M1AP: variants seen among roughly 807,000 people sequenced by gnomAD.
The protein encoded by M1AP is meiosis 1 associated protein.
M1AP carries 39 observed loss-of-function variants against 51.2 expected under a neutral mutation model. The ratio of observed to expected loss-of-function variants is 0.76; its 90% CI spans 0.59 to 1.00. M1AP has a LOEUF of 1.00. M1AP is among the 50% of genes least tolerant of loss of function. The probability of loss-of-function intolerance (pLI) is 0.00; values close to 1 mark genes in which losing one functional copy is unlikely to be tolerated. For synonymous variants in M1AP, 251 were observed against 249.2 expected (o/e 1.01, Z -0.07); for missense variants, 545 against 641.2 (o/e 0.85, Z 1.62).
At position 74,607,482 on chromosome 2, in the gene M1AP, C is replaced by CA. The variant is rs1553414082; in HGVS notation, c.427-260_427-259insT. Among the ~76,000 whole-genome samples, 192 of 151,350 alleles carry CA rather than the reference C, an allele frequency of 1.3e-3. 2 individuals carry two copies. The highest frequency in any genetic ancestry group is 4.5e-3 in the African/African-American group (185 of 41,322). On this transcript the variant is annotated intron_variant, in intron 3 of 10. Transcript: ENST00000421985. Reference sequence around the variant, plus strand: ...GGAGAAACCATATGTATGTTTTAGTCTTTTTTTTTGAGACGGAGTCTTGCT... The same window carrying CA: ...GGAGAAACCATATGTATGTTTTAGTCATTTTTTTTTGAGACGGAGTCTTGCT...
chr2:74,647,154 T>A, intron 1 of M1AP: 1 of 937,872 alleles, frequency 1.1e-6, no homozygotes, highest in Non-Finnish European at 1.3e-6. Context: ...GGACTTCCAA[T>A]TACACCACTG....
intron 5 of M1AP, among the ~76,000 whole-genome samples, chr2:74,578,932 C>T: frequency 6.6e-6 from 1 of 152,048 alleles, no homozygotes; most frequent in African/African-American, 2.4e-5. Flanking sequence ...AATAATAATG[C>T]CAGCATAATC....
chr2:74,620,535 G>C (rs1410671948), intron 2 of M1AP, among the ~76,000 whole-genome samples: 1 of 152,186 alleles, frequency 6.6e-6, no homozygotes, highest in Non-Finnish European at 1.5e-5. Context: ...CTGGGAGTTG[G>C]GAAATTTGGG....
At chr2:74,616,495 G>A (rs2104744732) in intron 2 of M1AP, among the ~76,000 whole-genome samples, 1 of 152,070 alleles carries the variant, frequency 6.6e-6, no homozygotes, top group Non-Finnish European at 1.5e-5. Flanking sequence ...AATTTAGATT[G>A]TTCCTTTTTC....
intron 1 of M1AP, among the ~76,000 whole-genome samples, chr2:74,647,808 C>T (rs575092372): frequency 6.6e-5 from 10 of 152,330 alleles, no homozygotes; most frequent in Non-Finnish European, 1.0e-4. Flanking sequence ...GGCGGAGAAT[C>T]ACTTGAACCC....
At chr2:74,631,616 A>C (rs1438560719) in intron 2 of M1AP, among the ~76,000 whole-genome samples, 1 of 152,170 alleles carries the variant, frequency 6.6e-6, no homozygotes, top group Non-Finnish European at 1.5e-5. Flanking sequence ...CTCATTGTAG[A>C]TTATATATGA....
At chr2:74,593,663 G>A (rs555470686) in intron 4 of M1AP, among the ~76,000 whole-genome samples, 15 of 152,350 alleles carry the variant, frequency 9.8e-5, no homozygotes, top group Non-Finnish European at 1.5e-4. Context: ...TTACAGGTGT[G>A]AGCCACCATG....
intron 5 of M1AP, among the ~76,000 whole-genome samples, chr2:74,579,914 C>T (rs957535235): frequency 6.6e-6 from 1 of 152,086 alleles, no homozygotes; most frequent in African/African-American, 2.4e-5. Flanking sequence ...TGCAAGTGAT[C>T]CTCTTGCCTC....
intron 5 of M1AP, chr2:74,576,878 T>A (rs534484708): frequency 8.2e-7 from 1 of 1,215,884 alleles, no homozygotes; most frequent in Non-Finnish European, 1.0e-6. Context: ...TCTGACATGA[T>A]CTTTACTTGT....
Position 74,581,991 on chromosome 2 carries a change from C to T in M1AP, c.596-144G>A, listed in dbSNP as rs559539575. Reference sequence around the variant, plus strand: ...AAAGTACAGTGGCTATTCACATGCACAATCATTGCTCACTGCAGCCTCCAA... The same window carrying T: ...AAAGTACAGTGGCTATTCACATGCATAATCATTGCTCACTGCAGCCTCCAA... On this transcript the variant is annotated intron_variant, in intron 4 of 10. Transcript: ENST00000421985. 1.0e-5 allele frequency: 7 copies of T among 678,644 alleles called. No individual in the cohort carries two copies. The South Asian group carries it at 1.2e-4, about 12-fold the overall frequency. The allele number at this position is 678,644 out of a possible 1,614,324, so 42.0% of individuals were successfully genotyped here.
intron 3 of M1AP, among the ~76,000 whole-genome samples, chr2:74,611,160 C>T (rs146114101): frequency 0.01 from 1,522 of 152,112 alleles, 30 homozygotes; most frequent in African/African-American, 0.035. Context: ...TGCCCTTGTC[C>T]GGTTTTGGTA....
intron 1 of M1AP, among the ~76,000 whole-genome samples, chr2:74,642,432 A>C (rs1379151909): frequency 6.6e-6 from 1 of 152,226 alleles, no homozygotes; most frequent in South Asian, 2.1e-4. Context: ...TTTAAAACCC[A>C]GCATTTGTGC....
intron 5 of M1AP, among the ~76,000 whole-genome samples, chr2:74,581,098 T>C (rs543561685): frequency 6.6e-6 from 1 of 152,320 alleles, no homozygotes; most frequent in South Asian, 2.1e-4. Flanking sequence ...CAGGATATTT[T>C]TGGCATGACC....
intron 4 of M1AP, among the ~76,000 whole-genome samples, chr2:74,592,132 T>C (rs535771964): frequency 1.3e-5 from 2 of 152,180 alleles, no homozygotes; most frequent in South Asian, 2.1e-4. Context: ...AAATCCTAGA[T>C]AGACTGTATA....
At chr2:74,581,922 T>A in intron 4 of M1AP, 75 bp from the exon 5 acceptor site, 1 of 1,394,988 alleles carries the variant, frequency 7.2e-7, no homozygotes, top group Non-Finnish European at 9.9e-7. Context: ...AACACATCCA[T>A]CTTTTCTTTT....
At chr2:74,584,137 A>G (rs1353496922) in intron 4 of M1AP, among the ~76,000 whole-genome samples, 1 of 152,248 alleles carries the variant, frequency 6.6e-6, no homozygotes, top group Non-Finnish European at 1.5e-5. Context: ...GTAAAGAGAA[A>G]TATCTTTTAA....
chr2:74,578,830 G>A (rs1000239173), intron 5 of M1AP, among the ~76,000 whole-genome samples: 2 of 151,510 alleles, frequency 1.3e-5, no homozygotes, highest in Non-Finnish European at 2.9e-5. Flanking sequence ...TCTAGAGGAG[G>A]AAAGCTTGGG....
At chr2:74,640,006 G>C (rs1683198180) in intron 2 of M1AP, 30 bp downstream of exon 2, 1 of 1,588,190 alleles carries the variant, frequency 6.3e-7, no homozygotes, top group Admixed American at 1.7e-5. Flanking sequence ...TTGCTTTCAG[G>C]GTAAAATGAA....
At chr2:74,569,976 G>T (rs1678630581) in intron 7 of M1AP, among the ~76,000 whole-genome samples, 1 of 151,730 alleles carries the variant, frequency 6.6e-6, no homozygotes, top group South Asian at 2.1e-4. Context: ...TAATTGAGGA[G>T]TGGGGGAAGA....
Sources: allele counts gnomAD v4.1 joint callset (sites outside exome capture counted in the v4.1 genomes callset), GRCh38; gene constraint gnomAD v4.1.1; transcripts MANE v1.5; gene names NCBI Gene and HGNC (gene_info 2026-07-23, HGNC 2026-07-21).